NCAM2: variants seen among roughly 807,000 people sequenced by gnomAD.
NCAM2 encodes the protein neural cell adhesion molecule 2.
In NCAM2, 30 loss-of-function variants were observed where a neutral mutation model predicts 98.1. That is an observed-to-expected ratio of 0.31 (90% confidence interval 0.23 to 0.41). NCAM2 has a LOEUF of 0.41. Among genes scored for constraint, NCAM2 ranks in the 10% least tolerant of loss-of-function variants. The pLI is 1.00. For missense variants in NCAM2, 867 were observed against 1,005.8 expected (o/e 0.86, Z 1.87); for synonymous variants, 368 against 342.4 (o/e 1.07, Z -0.83).
chr21:21,248,024 T>C (rs1404547169), intron 1 of NCAM2, among the ~76,000 whole-genome samples: 1 of 152,186 alleles, frequency 6.6e-6, no homozygotes, highest in Non-Finnish European at 1.5e-5. Flanking sequence ...AAGAGGCACT[T>C]GTGCATGTGT....
chr21:21,289,920 T>C (rs1174531808), intron 4 of NCAM2, among the ~76,000 whole-genome samples: 5 of 151,934 alleles, frequency 3.3e-5, no homozygotes, highest in Non-Finnish European at 5.9e-5. Context: ...CAGGTCCTAA[T>C]GAAATATTGC....
At chr21:21,473,903 CAAAA>C (rs5842929) in intron 14 of NCAM2, among the ~76,000 whole-genome samples, 1 of 136,314 alleles carries the variant, frequency 7.3e-6, no homozygotes. Flanking sequence ...ATTTTCTGAC[CAAAA>C]AAAAAAAAAA....
intron 1 of NCAM2, among the ~76,000 whole-genome samples, chr21:21,053,302 T>C (rs928585687): frequency 2.6e-5 from 4 of 152,022 alleles, no homozygotes; most frequent in African/African-American, 4.8e-5. Flanking sequence ...TCTTAGGTTT[T>C]CTCTAATTCC....
intron 1 of NCAM2, among the ~76,000 whole-genome samples, chr21:21,191,875 GAGA>G (rs1357016453): frequency 1.3e-5 from 2 of 152,168 alleles, no homozygotes; most frequent in African/African-American, 4.8e-5. Flanking sequence ...TGTTGACATA[GAGA>G]AGAAGGGTTA....
At chr21:21,492,645 G>C (rs1466095792) in intron 15 of NCAM2, among the ~76,000 whole-genome samples, 1 of 151,566 alleles carries the variant, frequency 6.6e-6, no homozygotes, top group African/African-American at 2.4e-5. Flanking sequence ...TTTATTTACT[G>C]TCCACTAAAA....
At chr21:21,149,474 G>T (rs955620431) in intron 1 of NCAM2, among the ~76,000 whole-genome samples, 3 of 152,042 alleles carry the variant, frequency 2.0e-5, no homozygotes, top group African/African-American at 7.2e-5. Context: ...AGGTATACAT[G>T]TGCCTTGGTG....
At chr21:21,291,149 C>A (rs573324392) in intron 4 of NCAM2, among the ~76,000 whole-genome samples, 1 of 151,878 alleles carries the variant, frequency 6.6e-6, no homozygotes, top group Non-Finnish European at 1.5e-5. Flanking sequence ...GGCGGGGTGT[C>A]TCTTATTCAT....
intron 8 of NCAM2, among the ~76,000 whole-genome samples, chr21:21,372,221 G>A (rs1307943525): frequency 2.0e-5 from 3 of 151,290 alleles, no homozygotes. Flanking sequence ...TTTGATTAAG[G>A]GATTTTTGAA....
At chr21:21,310,422 G>T (rs184878628) in intron 5 of NCAM2, among the ~76,000 whole-genome samples, 1 of 152,120 alleles carries the variant, frequency 6.6e-6, no homozygotes, top group Non-Finnish European at 1.5e-5. Flanking sequence ...AATACTTTGG[G>T]TAGATCAGAG....
At chr21:21,460,006 A>G (rs575074602) in intron 12 of NCAM2, among the ~76,000 whole-genome samples, 1 of 151,970 alleles carries the variant, frequency 6.6e-6, no homozygotes, top group Non-Finnish European at 1.5e-5. Flanking sequence ...GCTTGAATTT[A>G]TGGTGATTAT....
intron 1 of NCAM2, among the ~76,000 whole-genome samples, chr21:21,001,901 T>C (rs2064025026): frequency 1.3e-5 from 2 of 152,292 alleles, no homozygotes; most frequent in South Asian, 4.1e-4. Context: ...ATTACAGCAA[T>C]GTACCTTCTA....
At chr21:21,501,661 C>G (rs1987646366) in intron 15 of NCAM2, among the ~76,000 whole-genome samples, 1 of 148,622 alleles carries the variant, frequency 6.7e-6, no homozygotes, top group Non-Finnish European at 1.5e-5. Flanking sequence ...TTTAGACTAT[C>G]CAGATGTTTG....
intron 11 of NCAM2, among the ~76,000 whole-genome samples, chr21:21,423,579 T>G (rs2077155940): frequency 6.6e-6 from 1 of 152,136 alleles, no homozygotes; most frequent in Admixed American, 6.6e-5. Context: ...TCATTTGACT[T>G]TTGTTATTTT....
intron 15 of NCAM2, among the ~76,000 whole-genome samples, chr21:21,480,783 A>AT (rs1459694493): frequency 6.6e-6 from 1 of 152,230 alleles, no homozygotes; most frequent in African/African-American, 2.4e-5. Flanking sequence ...TTCCTGACAC[A>AT]TTATAAGTGT....
intron 1 of NCAM2, among the ~76,000 whole-genome samples, chr21:21,149,460 A>G: frequency 6.6e-6 from 1 of 152,176 alleles, no homozygotes; most frequent in Non-Finnish European, 1.5e-5. Flanking sequence ...CAGGTTTGTT[A>G]CATAGGTATA....
intron 1 of NCAM2, among the ~76,000 whole-genome samples, chr21:21,162,382 A>G (rs1452559189): frequency 5.9e-5 from 9 of 152,178 alleles, no homozygotes; most frequent in Admixed American, 5.9e-4. Flanking sequence ...AGTTTGAAAA[A>G]TATACATAAA....
chr21:21,123,399 C>A (rs1601428126), intron 1 of NCAM2, among the ~76,000 whole-genome samples: 1 of 143,276 alleles, frequency 7.0e-6, no homozygotes, highest in African/African-American at 2.6e-5. Context: ...GACTCCCTCT[C>A]AAAAAAAAAA....
At chr21:21,204,338 T>A (rs531447578) in intron 1 of NCAM2, among the ~76,000 whole-genome samples, 1 of 152,180 alleles carries the variant, frequency 6.6e-6, no homozygotes, top group Non-Finnish European at 1.5e-5. Flanking sequence ...GATTTATTTA[T>A]GTGGTCATAT....
At chr21:21,194,230 TG>T (rs1332620014) in intron 1 of NCAM2, among the ~76,000 whole-genome samples, 11 of 152,308 alleles carry the variant, frequency 7.2e-5, no homozygotes, top group East Asian at 1.9e-4. Context: ...AATTAGTATA[TG>T]TTTTTTTCAT....
Sources: allele counts gnomAD v4.1 joint callset (sites outside exome capture counted in the v4.1 genomes callset), GRCh38; gene constraint gnomAD v4.1.1; transcripts MANE v1.5; gene names NCBI Gene and HGNC (gene_info 2026-07-23, HGNC 2026-07-21).